GET1: variants seen among roughly 807,000 people sequenced by gnomAD.
The protein encoded by GET1 is congenital heart disease 5 protein.
GET1 carries 20 observed loss-of-function variants against 22.6 expected under a neutral mutation model. The observed-to-expected ratio is 0.89, with a 90% CI of 0.62 to 1.29. The LOEUF (loss-of-function observed/expected upper bound fraction) is 1.29. Among genes scored for constraint, GET1 ranks in the 50% most tolerant of loss-of-function variants. The pLI is 0.00. For missense variants in GET1, 209 were observed against 219.9 expected, an observed-to-expected ratio of 0.95 and a Z score of 0.31; for synonymous variants, 92 against 83.8, an observed-to-expected ratio of 1.10 and a Z score of -0.53.
downstream of GET1, among the ~76,000 whole-genome samples, chr21:39,401,694 T>C (rs2038842917): frequency 6.6e-6 from 1 of 152,234 alleles, no homozygotes; most frequent in Admixed American, 6.5e-5. Context: ...GTGGCAACCC[T>C]GCATCGAGCA....
downstream of GET1, chr21:39,406,668 C>G (rs1474523295): frequency 1.5e-6 from 2 of 1,364,462 alleles, no homozygotes; most frequent in Non-Finnish European, 2.0e-6. Flanking sequence ...ATCTCTATTT[C>G]AAGATGGCAT....
chr21:39,387,257 C>T (rs1240407601), intron 1 of GET1, among the ~76,000 whole-genome samples: 1 of 152,178 alleles, frequency 6.6e-6, no homozygotes, highest in Non-Finnish European at 1.5e-5. Context: ...TCCTGAAGTT[C>T]ACCCTTCTGC....
At chr21:39,426,822 TC>T (rs2074792785) in intron 1 of GET1, among the ~76,000 whole-genome samples, 2 of 152,208 alleles carry the variant, frequency 1.3e-5, no homozygotes, top group Non-Finnish European at 2.9e-5. Flanking sequence ...ACTGGACTTT[TC>T]ATTTCCTGCC....
intron 1 of GET1, among the ~76,000 whole-genome samples, chr21:39,421,341 G>A (rs2073737615): frequency 2.6e-5 from 4 of 152,040 alleles, no homozygotes; most frequent in Admixed American, 2.6e-4. Flanking sequence ...GCCCACCTCG[G>A]CCTCCCAAAG....
chr21:39,419,701 G>A (rs890992394), intron 1 of GET1, among the ~76,000 whole-genome samples: 2 of 151,878 alleles, frequency 1.3e-5, no homozygotes, highest in African/African-American at 4.8e-5. Context: ...TTGTAAAAGA[G>A]GCCTAAAGGA....
intron 1 of GET1, among the ~76,000 whole-genome samples, chr21:39,414,740 CTCTGTGTGTGTGTGTG>C (rs2040805513): frequency 9.6e-6 from 1 of 104,062 alleles, no homozygotes; most frequent in African/African-American, 4.0e-5. Flanking sequence ...CTCTCTCTCT[CTCTGTGTGTGTGTGTG>C]TGTGTGTGTG....
At chr21:39,386,198 G>A (rs2037888076) in intron 1 of GET1, 1 of 152,278 alleles carries the variant, frequency 6.6e-6, no homozygotes, top group South Asian at 2.1e-4. Flanking sequence ...GGACTGAAGC[G>A]AGAGGAGGAT....
chr21:39,388,767 G>C (rs1211377283), intron 1 of GET1, among the ~76,000 whole-genome samples: 2 of 152,122 alleles, frequency 1.3e-5, no homozygotes, highest in African/African-American at 4.8e-5. Context: ...GGTCACTGCC[G>C]ACTCCTCCGT....
intron 1 of GET1, among the ~76,000 whole-genome samples, chr21:39,388,394 A>G (rs938809220): frequency 2.0e-5 from 3 of 152,174 alleles, no homozygotes; most frequent in African/African-American, 7.2e-5. Context: ...GTTTCGCAGT[A>G]ATGTCCTTAA....
At chr21:39,408,892 A>G (rs568576045), downstream of GET1, among the ~76,000 whole-genome samples, 132 of 152,308 alleles carry the variant, frequency 8.7e-4, no homozygotes, top group African/African-American at 3.1e-3. Flanking sequence ...TTTATTCAAA[A>G]GTGGTAATAT....
intron 1 of GET1, chr21:39,428,106 C>G (rs1601883247): frequency 1.2e-6 from 1 of 868,912 alleles, no homozygotes. Flanking sequence ...ACTTCAAACA[C>G]TAGTGCAGTA....
At chr21:39,392,030 AGTT>A (rs2038334076) in intron 3 of GET1, 194 bp downstream of exon 3, 1 of 558,522 alleles carries the variant, frequency 1.8e-6, no homozygotes, top group Non-Finnish European at 3.1e-6. Flanking sequence ...TCTTGAGGAG[AGTT>A]GTTAAAGTTT....
At chr21:39,408,167 A>G (rs368853857), downstream of GET1, among the ~76,000 whole-genome samples, 6 of 152,356 alleles carry the variant, frequency 3.9e-5, no homozygotes, top group East Asian at 7.7e-4. Context: ...GTAATGTAAC[A>G]TGAAAACAAT....
chr21:39,407,430 A>AATAT (rs1229805227), downstream of GET1, among the ~76,000 whole-genome samples: 1 of 152,190 alleles, frequency 6.6e-6, no homozygotes, highest in Non-Finnish European at 1.5e-5. Flanking sequence ...ATTTTAGGTG[A>AATAT]ATATACTCTT....
chr21:39,392,507 TAA>T (rs2038370088), intron 3 of GET1, among the ~76,000 whole-genome samples: 2 of 87,746 alleles, frequency 2.3e-5, no homozygotes, highest in South Asian at 8.9e-4. Flanking sequence ...TGTCATTTGC[TAA>T]GAGATAAGTT....
At chr21:39,400,006 G>A (rs1483719322), downstream of GET1, among the ~76,000 whole-genome samples, 2 of 151,642 alleles carry the variant, frequency 1.3e-5, no homozygotes, top group Admixed American at 6.6e-5. Context: ...ACAGGTGTGA[G>A]CCACCATGCC....
chr21:39,420,920 A>G, intron 1 of GET1: 1 of 1,124,384 alleles, frequency 8.9e-7, no homozygotes. Flanking sequence ...GGAACTAACT[A>G]CATTTATGAA....
At chr21:39,381,577 T>G (rs1205422253) in intron 1 of GET1, among the ~76,000 whole-genome samples, 1 of 152,218 alleles carries the variant, frequency 6.6e-6, no homozygotes, top group African/African-American at 2.4e-5. Flanking sequence ...ATCCAGTCTT[T>G]AAGATGATGT....
chr21:39,420,211 GAA>G (rs1355829628), intron 1 of GET1, among the ~76,000 whole-genome samples: 2 of 152,084 alleles, frequency 1.3e-5, no homozygotes, highest in East Asian at 3.9e-4. Flanking sequence ...AAATATCTGA[GAA>G]AGATATTAAT....
Sources: gnomAD v4.1 joint callset for allele counts (sites outside exome capture counted in the v4.1 genomes callset) on GRCh38, gnomAD v4.1.1 for gene constraint, MANE v1.5 for transcripts, NCBI Gene and HGNC (gene_info 2026-07-23, HGNC 2026-07-21) for gene names.